The following RPS6KC1 variants were observed in gnomAD, a reference collection of about 807,000 sequenced individuals.
RPS6KC1 encodes the protein ribosomal protein S6 kinase C1.
In RPS6KC1, 54 loss-of-function variants were observed where a neutral mutation model predicts 103.8. The observed-to-expected ratio is 0.52, with a 90% CI of 0.42 to 0.65. The LOEUF (loss-of-function observed/expected upper bound fraction) is 0.65, where lower values mean the gene tolerates loss of function less well. Among genes scored for constraint, RPS6KC1 ranks in the 30% least tolerant of loss-of-function variants. The pLI is 0.00. For synonymous variants in RPS6KC1, 439 were observed against 438.7 expected, an observed-to-expected ratio of 1.00 and a Z score of -0.01; for missense variants, 1,151 against 1,253.8, an observed-to-expected ratio of 0.92 and a Z score of 1.24.
At chr1:213,500,714 A>T in the RPS6KC1 span, among the ~76,000 whole-genome samples, 1 of 152,194 alleles carries the variant, frequency 6.6e-6, no homozygotes, top group Non-Finnish European at 1.5e-5. Context: ...CCACTGTTAT[A>T]TATGTGATCC....
At chr1:213,052,066 T>C (rs1026551079) in intron 1 of RPS6KC1, among the ~76,000 whole-genome samples, 4 of 152,140 alleles carry the variant, frequency 2.6e-5, no homozygotes, top group African/African-American at 7.2e-5. Context: ...AAAAATCTGC[T>C]GAGGGTGGCT....
the RPS6KC1 span, among the ~76,000 whole-genome samples, chr1:213,349,441 G>T: frequency 1.3e-5 from 2 of 152,166 alleles, no homozygotes; most frequent in African/African-American, 4.8e-5. Context: ...ATACTTGGGT[G>T]CATCTTCAAG....
chr1:213,393,740 A>T, the RPS6KC1 span, among the ~76,000 whole-genome samples: 1 of 152,142 alleles, frequency 6.6e-6, no homozygotes, highest in Non-Finnish European at 1.5e-5. Flanking sequence ...AGAAGGTAGG[A>T]AATGGGGAAT....
chr1:213,351,408 G>C, the RPS6KC1 span, among the ~76,000 whole-genome samples: 1 of 152,192 alleles, frequency 6.6e-6, no homozygotes, highest in African/African-American at 2.4e-5. Flanking sequence ...AATTCCATGA[G>C]GGTAGCTTTG....
the RPS6KC1 span, among the ~76,000 whole-genome samples, chr1:213,515,158 A>C: frequency 0.012 from 1,864 of 152,048 alleles, 24 homozygotes; most frequent in Non-Finnish European, 0.019. Flanking sequence ...GATTGCAAAA[A>C]TTTTCTCCCA....
At chr1:213,629,306 C>T in the RPS6KC1 span, among the ~76,000 whole-genome samples, 2 of 151,932 alleles carry the variant, frequency 1.3e-5, no homozygotes, top group South Asian at 2.1e-4. Flanking sequence ...GTTAGCTCTT[C>T]TTGTTGAATT....
chr1:213,390,795 C>G, the RPS6KC1 span, among the ~76,000 whole-genome samples: 51 of 152,138 alleles, frequency 3.4e-4, 1 homozygote, highest in Admixed American at 2.0e-4. Flanking sequence ...TCCTGCCCTC[C>G]TGGGAATTAC....
chr1:213,794,646 C>T, the RPS6KC1 span: 12 of 152,294 alleles, frequency 7.9e-5, no homozygotes, highest in Admixed American at 6.5e-4. Context: ...GCAGAAAGAT[C>T]TGTTAGTAAA....
chr1:213,135,925 T>G (rs1336347998), intron 6 of RPS6KC1, among the ~76,000 whole-genome samples: 1 of 152,214 alleles, frequency 6.6e-6, no homozygotes, highest in East Asian at 1.9e-4. Flanking sequence ...TAATTCTCTT[T>G]CAGGTTTTGT....
chr1:213,389,786 C>G, the RPS6KC1 span, among the ~76,000 whole-genome samples: 2 of 152,144 alleles, frequency 1.3e-5, no homozygotes, highest in African/African-American at 2.4e-5. Context: ...CAGAGGCACC[C>G]GAGCAAAGGG....
the RPS6KC1 span, among the ~76,000 whole-genome samples, chr1:213,632,169 T>C: frequency 6.6e-6 from 1 of 152,222 alleles, no homozygotes; most frequent in Non-Finnish European, 1.5e-5. Context: ...ATGAAGGACA[T>C]TTGGGGTGTT....
At chr1:213,257,634 G>A (rs2094679370) in intron 12 of RPS6KC1, among the ~76,000 whole-genome samples, 1 of 152,070 alleles carries the variant, frequency 6.6e-6, no homozygotes, top group Admixed American at 6.5e-5. Context: ...GGAAATGGTA[G>A]CTGCTATTTT....
chr1:213,052,829 A>T (rs1242713937), intron 1 of RPS6KC1, among the ~76,000 whole-genome samples: 1 of 152,202 alleles, frequency 6.6e-6, no homozygotes, highest in Non-Finnish European at 1.5e-5. Flanking sequence ...GGCATGAGCC[A>T]CCACACCCAG....
the RPS6KC1 span, among the ~76,000 whole-genome samples, chr1:213,855,585 G>A: frequency 6.6e-6 from 1 of 152,178 alleles, no homozygotes; most frequent in African/African-American, 2.4e-5. Context: ...GGGCTTGTGT[G>A]TGCCCTGCTT....
the RPS6KC1 span, among the ~76,000 whole-genome samples, chr1:213,831,666 A>C: frequency 6.6e-6 from 1 of 152,290 alleles, no homozygotes; most frequent in East Asian, 1.9e-4. Context: ...TAATTCCAAT[A>C]ATAATTAATG....
chr1:213,800,439 G>T, the RPS6KC1 span, among the ~76,000 whole-genome samples: 1 of 152,164 alleles, frequency 6.6e-6, no homozygotes, highest in South Asian at 2.1e-4. Context: ...GCAAGTTGTT[G>T]GTGGAAGGAT....
chr1:213,726,847 A>T, the RPS6KC1 span, among the ~76,000 whole-genome samples: 74,560 of 152,136 alleles, frequency 0.49, 18,979 homozygotes, highest in East Asian at 0.83. Flanking sequence ...AACTCAGTTC[A>T]GGAGCACAGA....
intron 10 of RPS6KC1, among the ~76,000 whole-genome samples, chr1:213,233,540 A>G (rs17020291): frequency 6.6e-6 from 1 of 152,144 alleles, no homozygotes; most frequent in Non-Finnish European, 1.5e-5. Flanking sequence ...CATGTTGGAG[A>G]TTATCTATGG....
intron 3 of RPS6KC1, among the ~76,000 whole-genome samples, chr1:213,085,463 A>AT (rs200421224): frequency 1.5e-4 from 22 of 151,386 alleles, no homozygotes; most frequent in East Asian, 3.9e-4. Flanking sequence ...ATGTATATTC[A>AT]TTTTTTTTTC....
Sources: allele counts gnomAD v4.1 joint callset (sites outside exome capture counted in the v4.1 genomes callset), GRCh38; gene constraint gnomAD v4.1.1; transcripts MANE v1.5; gene names NCBI Gene and HGNC (gene_info 2026-07-23, HGNC 2026-07-21).